The following ZBTB38 variants were observed in gnomAD, a reference collection of about 807,000 sequenced individuals.
ZBTB38 encodes the protein zinc finger and BTB domain containing 38, also known as zinc finger and BTB domain-containing protein 38.
A neutral mutation model predicts 76.8 loss-of-function variants in ZBTB38; 20 were observed. The ratio of observed to expected loss-of-function variants is 0.26; its 90% CI spans 0.18 to 0.38. The LOEUF is 0.38. ZBTB38 is among the 10% of genes least tolerant of loss of function. ZBTB38 has a pLI of 1.00. For synonymous variants in ZBTB38, 504 were observed against 544.2 expected, an observed-to-expected ratio of 0.93 and a Z score of 1.03; for missense variants, 1,082 against 1,482.3, an observed-to-expected ratio of 0.73 and a Z score of 4.43.
chr3:141,433,654 G>A (rs949491248), intron 5 of ZBTB38, among the ~76,000 whole-genome samples: 1 of 152,038 alleles, frequency 6.6e-6, no homozygotes, highest in South Asian at 2.1e-4. Flanking sequence ...ATAATGAGAG[G>A]ACTAGTACTG....
intron 4 of ZBTB38, among the ~76,000 whole-genome samples, chr3:141,400,439 C>G (rs999884616): frequency 4.6e-5 from 7 of 152,186 alleles, no homozygotes; most frequent in Non-Finnish European, 1.0e-4. Flanking sequence ...CCTTAACAAG[C>G]TGTTGACAGA....
chr3:141,364,238 C>T (rs1293197629), upstream of ZBTB38, among the ~76,000 whole-genome samples: 1 of 150,266 alleles, frequency 6.7e-6, no homozygotes, highest in African/African-American at 2.5e-5. Flanking sequence ...ACCAGTTGGA[C>T]TTCATCAAAA....
intron 1 of ZBTB38, among the ~76,000 whole-genome samples, chr3:141,329,229 G>A (rs539407278): frequency 6.6e-6 from 1 of 152,326 alleles, no homozygotes; most frequent in South Asian, 2.1e-4. Flanking sequence ...CATGGCCAGT[G>A]CTCAAAAATA....
At position 141,444,993 on chromosome 3, in the gene ZBTB38, C is replaced by G. The variant is rs747024133; in HGVS notation, c.2605C>G (p.Gln869Glu). 3.1e-6 allele frequency: 5 copies of G among 1,614,054 alleles called. No individual in the cohort carries two copies. In the East Asian group the frequency reaches 1.1e-4, roughly 36 times the overall value. Residue 869 changes from glutamine to glutamate, a missense_variant, in exon 6 of 6, where the codon CAG (glutamine) becomes GAG (glutamate). Physicochemically the swap from Gln to Glu is conservative, Grantham distance 29 (BLOSUM62 2). This residue lies in a region of ZBTB38 where 471 missense variants were observed against 581.0 expected (regional missense o/e 0.81). Coordinates refer to ENST00000321464, the MANE Select transcript of ZBTB38 (RefSeq NM_001376113.1). The surrounding 1 kb of genome is among the most constrained non-coding windows in gnomAD (Gnocchi z 5.1). ...TAAAAGAGGGAGAAGACCCAAGTATCAGATGCAGGAGGAGCCTTTGCCACA... is the reference window on the plus strand; with the variant it reads ...TAAAAGAGGGAGAAGACCCAAGTATGAGATGCAGGAGGAGCCTTTGCCACA... Reference protein sequence around the residue: ...FYKRGRRPKYQMQEEPLPQGN... With the variant: ...FYKRGRRPKYEMQEEPLPQGN...
Position 141,415,569 on chromosome 3 carries a change from A to G in ZBTB38, c.-1+11538A>G, listed in dbSNP as rs2073816370. Among the ~76,000 whole-genome samples, 3 of 152,306 alleles carry G rather than the reference A, an allele frequency of 2.0e-5. No homozygotes were observed. The South Asian group carries it at 6.2e-4, about 32-fold the overall frequency. On this transcript the variant is annotated intron_variant, in intron 5 of 5. Coordinates refer to ENST00000321464, the MANE Select transcript of ZBTB38 (RefSeq NM_001376113.1). ...CAAGATCCTCAGCTGACTTACACAC[A>G]TTGACATTTGAGGAGTGCTGCTCTA...
chr3:141,353,292 C>G (rs1035651009), intron 1 of ZBTB38, among the ~76,000 whole-genome samples: 9 of 152,112 alleles, frequency 5.9e-5, no homozygotes, highest in African/African-American at 1.9e-4. Flanking sequence ...TCTCTTCTTT[C>G]CATGAGTTCT....
intron 1 of ZBTB38, among the ~76,000 whole-genome samples, chr3:141,352,358 T>C (rs1335020993): frequency 1.3e-5 from 2 of 152,006 alleles, no homozygotes; most frequent in East Asian, 3.8e-4. Flanking sequence ...AAGGTATGTA[T>C]AGACTATGAA....
intron 1 of ZBTB38, among the ~76,000 whole-genome samples, chr3:141,325,906 A>G (rs1942659374): frequency 1.3e-5 from 2 of 152,196 alleles, no homozygotes; most frequent in African/African-American, 4.8e-5. Flanking sequence ...TGTGCGATCA[A>G]TTTTACTTGT....
At chr3:141,421,477 G>A (rs2075357212) in intron 5 of ZBTB38, among the ~76,000 whole-genome samples, 1 of 152,012 alleles carries the variant, frequency 6.6e-6, no homozygotes, top group Non-Finnish European at 1.5e-5. Flanking sequence ...AGGCTTTTCT[G>A]TAGAGTTTTT....
chr3:141,429,841 T>C (rs1180162975), intron 5 of ZBTB38, among the ~76,000 whole-genome samples: 1 of 152,100 alleles, frequency 6.6e-6, no homozygotes, highest in African/African-American at 2.4e-5. Context: ...CAGAAGAGAC[T>C]GGGCAGGTAG....
chr3:141,397,085 C>T (rs900775722), intron 4 of ZBTB38, among the ~76,000 whole-genome samples: 14 of 152,200 alleles, frequency 9.2e-5, no homozygotes, highest in Admixed American at 5.9e-4. Context: ...CATCTCCTTC[C>T]AATAGAAGGC....
intron 5 of ZBTB38, among the ~76,000 whole-genome samples, chr3:141,406,817 T>A (rs1954662562): frequency 6.6e-6 from 1 of 152,176 alleles, no homozygotes. Context: ...GCCAGGCATG[T>A]CAGACCGTGG....
intron 4 of ZBTB38, chr3:141,403,083 G>A (rs1193599024): frequency 1.3e-5 from 2 of 152,002 alleles, no homozygotes; most frequent in African/African-American, 4.8e-5. Flanking sequence ...TTTTTTATAG[G>A]GTACATCATA....
chr3:141,359,169 CA>C (rs1345679350), intron 1 of ZBTB38, among the ~76,000 whole-genome samples: 1 of 152,230 alleles, frequency 6.6e-6, no homozygotes, highest in Non-Finnish European at 1.5e-5. Flanking sequence ...CCAGCTCTTC[CA>C]CCTTTCTCTT....
intron 1 of ZBTB38, among the ~76,000 whole-genome samples, chr3:141,362,929 A>G (rs1943861659): frequency 6.6e-6 from 1 of 152,186 alleles, no homozygotes; most frequent in Admixed American, 6.5e-5. Flanking sequence ...CATGGTCTGA[A>G]TAGGGTTACA....
chr3:141,362,150 A>T (rs746613934), intron 1 of ZBTB38, among the ~76,000 whole-genome samples: 7 of 151,948 alleles, frequency 4.6e-5, no homozygotes, highest in Admixed American at 2.0e-4. Context: ...GAAAGAGTTT[A>T]GGGTCCTGGA....
chr3:141,407,389 T>A (rs1954915956), intron 5 of ZBTB38, among the ~76,000 whole-genome samples: 1 of 152,228 alleles, frequency 6.6e-6, no homozygotes, highest in East Asian at 1.9e-4. Context: ...ATAGGATTAT[T>A]TGGAAGACTA....
At chr3:141,369,173 T>C (rs1158195218) in intron 1 of ZBTB38, among the ~76,000 whole-genome samples, 1 of 152,158 alleles carries the variant, frequency 6.6e-6, no homozygotes, top group Admixed American at 6.5e-5. Flanking sequence ...CTAGATCTTA[T>C]ACTGAGCGAT....
intron 5 of ZBTB38, among the ~76,000 whole-genome samples, chr3:141,434,775 C>T (rs146229102): frequency 3.6e-4 from 55 of 151,782 alleles, no homozygotes; most frequent in African/African-American, 1.3e-3. Context: ...TTTACATATT[C>T]GTACAATATA....
Sources: gnomAD v4.1 joint callset for allele counts (sites outside exome capture counted in the v4.1 genomes callset) on GRCh38, gnomAD v4.1.1 for gene constraint, gnomAD v4.1.1 regional missense constraint, Gnocchi (gnomAD v3.1) non-coding constraint, MANE v1.5 for transcripts, NCBI Gene and HGNC (gene_info 2026-07-23, HGNC 2026-07-21) for gene names.